MDN1: variants seen among roughly 807,000 people sequenced by gnomAD.
The protein encoded by MDN1 is midasin AAA ATPase 1, also known as midasin.
MDN1 carries 266 observed loss-of-function variants against 669.2 expected under a neutral mutation model. That is an observed-to-expected ratio of 0.40 (90% CI 0.36 to 0.44). MDN1 has a LOEUF of 0.44. Ranked by LOEUF, MDN1 falls within the 20% of genes least tolerant of loss-of-function variation. The pLI is 1.00. For missense variants in MDN1, 5,940 were observed against 6,754.0 expected (o/e 0.88, Z 4.22); for synonymous variants, 2,385 against 2,457.1 (o/e 0.97, Z 0.87).
rs771755998 is a variant in MDN1, at chr6:89,747,334, T to C, written c.3899A>G (p.Asn1300Ser). ...KEYDWLQHLA[N>S]DGYMLLAGRV... ...GCATTTGATTGAAAACACACCATCA[T>C]TGGCTAAATGCTGTAGCCAGTCATA... The change falls in exon 27 of 102, where the codon AAT becomes AGT. Residue 1300 changes from asparagine (N) to serine (S), a missense_variant. By Grantham distance (46) the Asn-to-Ser change is conservative. Transcript: ENST00000369393. 2.7e-5 allele frequency: 44 copies of C among 1,612,780 alleles called. No homozygotes were observed. The highest frequency in any genetic ancestry group is 6.7e-5 in the African/African-American group (5 of 74,790).
chr6:89,700,090 T>C lies in MDN1; in HGVS notation c.8843A>G (p.Asp2948Gly), dbSNP rs747348779. 5.6e-6 allele frequency: 9 copies of C among 1,613,978 alleles called. No homozygotes were observed. Among genetic ancestry groups the C allele is most frequent in the Non-Finnish European group, 7.6e-6 (9 of 1,179,994 alleles). ...AMLWRYKVTA[D>G]FMAQACLRRC... ...TCTGAGACAAGCTTGTGCCATAAAA[T>C]CAGCTGTCACTTTGTACCGCCAAAG... is the stretch of plus-strand genomic sequence containing the variant. The change falls in exon 57 of 102, where the codon GAT (aspartate) becomes GGT (glycine). Residue 2948 changes from aspartate (D) to glycine (G), a missense_variant. Asp to Gly is a moderately conservative substitution (Grantham distance 94). This residue lies in a region of MDN1 where 2,292 missense variants were observed against 2,638.3 expected (regional missense o/e 0.87). Transcript: ENST00000369393.
At chr6:89,751,674 G>GA in intron 22 of MDN1, 92 bp from the exon 23 acceptor site, 1 of 1,366,300 alleles carries the variant, frequency 7.3e-7, no homozygotes. Context: ...TGTTGAACAA[G>GA]CTGTCTTGTT....
chr6:89,803,211 A>C (rs1283423154), intron 2 of MDN1, 117 bp downstream of exon 2: 5 of 854,352 alleles, frequency 5.9e-6, no homozygotes, highest in East Asian at 2.4e-5. Flanking sequence ...AATACTATTT[A>C]TCTCTCTCCT....
At position 89,716,831 on chromosome 6, in the gene MDN1, T is replaced by C. The variant is rs1052953294; in HGVS notation, c.6584-22A>G. 11 of 1,589,846 alleles carry C rather than the reference T, an allele frequency of 6.9e-6. No homozygotes were observed. In the African/African-American group the frequency reaches 1.5e-4, roughly 22 times the overall value. Reference sequence around the variant, plus strand: ...AACTCTGAAATGTCACAGGGAAGAATCACCATCCACAGCACTTAACTTCAA... The same window carrying C: ...AACTCTGAAATGTCACAGGGAAGAACCACCATCCACAGCACTTAACTTCAA... On this transcript the variant is annotated intron_variant, in intron 43 of 101. Transcript: ENST00000369393.
At chr6:89,760,694 G>A (rs555971017) in intron 17 of MDN1, among the ~76,000 whole-genome samples, 1 of 152,200 alleles carries the variant, frequency 6.6e-6, no homozygotes, top group East Asian at 1.9e-4. Context: ...CATTTGCTAT[G>A]ACATAAATAG....
chr6:89,774,431 A>C (rs1317564320), intron 13 of MDN1, among the ~76,000 whole-genome samples, 190 bp downstream of exon 13: 1 of 152,100 alleles, frequency 6.6e-6, no homozygotes, highest in Non-Finnish European at 1.5e-5. Context: ...GACTTTCATC[A>C]CCTCTTTCAC....
intron 22 of MDN1, among the ~76,000 whole-genome samples, chr6:89,752,149 ATAAC>A (rs1816987971): frequency 6.6e-6 from 1 of 152,224 alleles, no homozygotes; most frequent in Non-Finnish European, 1.5e-5. Context: ...GGTCAAATCT[ATAAC>A]TATGGAAAAG....
intron 1 of MDN1, among the ~76,000 whole-genome samples, chr6:89,810,501 G>T (rs1261889710): frequency 6.6e-6 from 1 of 152,082 alleles, no homozygotes; most frequent in Non-Finnish European, 1.5e-5. Flanking sequence ...CAATTCTAAA[G>T]TTTGGAAGTC....
chr6:89,743,457 A>C, intron 30 of MDN1, 119 bp downstream of exon 30: 2 of 1,365,336 alleles, frequency 1.5e-6, no homozygotes, highest in Non-Finnish European at 2.0e-6. Context: ...GACCAGAGAA[A>C]ATCTGCAGAT....
intron 99 of MDN1, among the ~76,000 whole-genome samples, chr6:89,647,665 C>T (rs926328803): frequency 5.3e-5 from 8 of 152,094 alleles, no homozygotes; most frequent in Admixed American, 1.3e-4. Flanking sequence ...ATACTGTATG[C>T]GGTGGAGGGT....
intron 9 of MDN1, among the ~76,000 whole-genome samples, chr6:89,782,736 C>T (rs758469845): frequency 5.3e-5 from 8 of 151,872 alleles, no homozygotes; most frequent in Admixed American, 3.3e-4. Context: ...GTCAAGAGAT[C>T]GAGACCAACC....
In MDN1 at chr6:89,674,715, A is replaced by G; in HGVS notation, c.12762-126T>C. The G allele has an allele frequency of 2.3e-6, 3 of 1,298,940 alleles. No individual in the cohort carries two copies. The South Asian group carries it at 4.8e-5, about 21-fold the overall frequency. 80.5% of individuals were successfully genotyped at this position (1,298,940 alleles called of 1,614,324 possible). ...TTTTTCATACAGTCAAGAAGGAAGA[A>G]TCCCCCAGATAGGTAAAAAGTCTGT... On this transcript the variant is annotated intron_variant, in intron 78 of 101. Transcript: ENST00000369393.
In MDN1 at chr6:89,754,112, A is replaced by G. The variant is rs1817104524; in HGVS notation, c.2935T>C (p.Cys979Arg). The change falls in exon 21 of 102, where the codon TGT becomes CGT. Residue 979 changes from cysteine to arginine, a missense_variant. Physicochemically the swap from Cys to Arg is radical, Grantham distance 180. Around this residue, in one of 5 missense-constraint regions of MDN1, gnomAD observed 1,203 missense variants for 1,268.9 expected, o/e 0.95. Transcript: ENST00000369393. ...TAGAGTGAGCGCTGAATGTTGCCAC[A>G]TGGATTGGAGGCTGCAAATCGCAGG... ...RALRFAASNP[C>R]GNIQRSLYEG... 6.2e-7 allele frequency: 1 copy of G among 1,614,046 alleles called. No individual in the cohort carries two copies. Among genetic ancestry groups the G allele is most frequent in the Non-Finnish European group, 8.5e-7 (1 of 1,179,972 alleles).
At chr6:89,811,786 T>C (rs2128331756) in intron 1 of MDN1, among the ~76,000 whole-genome samples, 1 of 152,114 alleles carries the variant, frequency 6.6e-6, no homozygotes, top group East Asian at 1.9e-4. Flanking sequence ...ATAACATTCT[T>C]AGGAAATCCT....
At chr6:89,816,208 T>G (rs1768816613) in intron 1 of MDN1, among the ~76,000 whole-genome samples, 1 of 152,128 alleles carries the variant, frequency 6.6e-6, no homozygotes. Flanking sequence ...GAGACCAGCC[T>G]GGCTAACATG....
At chr6:89,656,243 A>T (rs1469979096) in intron 91 of MDN1, among the ~76,000 whole-genome samples, 1 of 152,202 alleles carries the variant, frequency 6.6e-6, no homozygotes, top group Non-Finnish European at 1.5e-5. Flanking sequence ...GAAAGAAGGA[A>T]TTGGTAACAC....
intron 50 of MDN1, among the ~76,000 whole-genome samples, chr6:89,710,043 G>T (rs1813782550): frequency 6.6e-6 from 1 of 152,092 alleles, no homozygotes; most frequent in Admixed American, 6.6e-5. Flanking sequence ...TGGACCACAG[G>T]TACAAGTCAC....
chr6:89,713,379 A>C, intron 46 of MDN1, 83 bp from the exon 47 acceptor site: 2 of 1,261,138 alleles, frequency 1.6e-6, no homozygotes, highest in East Asian at 2.3e-5. Context: ...CCTCCCATCA[A>C]ACCTCCTTCC....
rs747673136 is a variant in MDN1 at position 89,751,593 on chromosome 6, C to A, written c.3076-11G>T. The A allele has an allele frequency of 5.6e-6, 9 of 1,611,568 alleles. No homozygotes were observed. The Admixed American group carries it at 6.7e-5, about 12-fold the overall frequency. On this transcript the variant is annotated splice_polypyrimidine_tract_variant and intron_variant, in intron 22 of 101. Transcript: ENST00000369393. ...TGGCTCTGGAATAGGCTGAAAGACACAGAAGTTCAAGGAATAACCCACAGT... is the reference window on the plus strand; with the variant it reads ...TGGCTCTGGAATAGGCTGAAAGACAAAGAAGTTCAAGGAATAACCCACAGT...
Sources: gnomAD v4.1 joint callset for allele counts (sites outside exome capture counted in the v4.1 genomes callset) on GRCh38, gnomAD v4.1.1 for gene constraint, gnomAD v4.1.1 regional missense constraint, MANE v1.5 for transcripts, NCBI Gene and HGNC (gene_info 2026-07-23, HGNC 2026-07-21) for gene names.